ZMYM6: variants seen among roughly 807,000 people sequenced by gnomAD.
ZMYM6 encodes the protein zinc finger MYM-type protein 6.
ZMYM6 carries 90 observed loss-of-function variants against 134.0 expected under a neutral mutation model. The ratio of observed to expected loss-of-function variants is 0.67; its 90% CI spans 0.57 to 0.80. The LOEUF (loss-of-function observed/expected upper bound fraction) is 0.80, where lower values mean the gene tolerates loss of function less well. ZMYM6 is among the 30% of genes least tolerant of loss of function. The pLI is 0.00. For synonymous variants in ZMYM6, 481 were observed against 524.1 expected (o/e 0.92, Z 1.12); for missense variants, 1,362 against 1,533.9 (o/e 0.89, Z 1.87).
intron 14 of ZMYM6, among the ~76,000 whole-genome samples, chr1:35,001,078 A>G (rs1640872030): frequency 6.6e-6 from 1 of 152,172 alleles, no homozygotes; most frequent in Admixed American, 6.5e-5. Context: ...GCAACCATAG[A>G]GCCTGCAAAG....
Position 35,010,910 on chromosome 1 carries a change from A to T in ZMYM6, c.1189T>A (p.Ser397Thr), listed in dbSNP as rs1641073008. Residue 397 changes from serine (S) to threonine (T), a missense_variant, in exon 9 of 16, where the codon TCC (serine) becomes ACC (threonine). This residue lies in a region of ZMYM6 where 503 missense variants were observed against 520.8 expected (regional missense o/e 0.97). Coordinates refer to ENST00000357182, the MANE Select transcript of ZMYM6 (RefSeq NM_007167.4). Reference sequence around the variant, plus strand: ...GCAGAGCCACGGATGGAGCTGGGGGAAACGGCAGAGGTGTTACCTCCTCCT... The same window carrying T: ...GCAGAGCCACGGATGGAGCTGGGGGTAACGGCAGAGGTGTTACCTCCTCCT... The part of the protein sequence containing the change: ...SIGGGNTSAV[S>T]PSSIRGSAAA... 6.2e-7 allele frequency: 1 copy of T among 1,613,410 alleles called. No homozygotes were observed. Among genetic ancestry groups the T allele is most frequent in the African/African-American group, 1.3e-5 (1 of 74,994 alleles).
intron 1 of ZMYM6, 121 bp from the exon 2 acceptor site, chr1:35,030,834 AC>A (rs1641508661): frequency 1.8e-6 from 1 of 550,832 alleles, no homozygotes; most frequent in Non-Finnish European, 3.1e-6. Flanking sequence ...TTCTGGGGCC[AC>A]AACTAACTTT....
In ZMYM6 at chr1:35,020,479, AAAAG is replaced by A; in HGVS notation, c.94-16_94-13del. 1 of 1,574,766 alleles carries A rather than the reference AAAAG, an allele frequency of 6.4e-7. No individual in the cohort carries two copies. Among genetic ancestry groups the A allele is most frequent in the Non-Finnish European group, 8.6e-7 (1 of 1,168,326 alleles). ...ACACATCCATACTCCTTTAAAAAAA[AAAAG>A]AAAAGAGAAAAGAGCAATGAATACA... On this transcript the variant is annotated splice_polypyrimidine_tract_variant and intron_variant, in intron 2 of 15. Coordinates refer to ENST00000357182, the MANE Select transcript of ZMYM6 (RefSeq NM_007167.4).
Position 35,011,002 on chromosome 1 carries a change from G to A in ZMYM6, c.1097C>T (p.Ser366Leu), listed in dbSNP as rs377596083. Residue 366 changes from serine to leucine, a missense_variant, in exon 9 of 16, where the codon TCG becomes TTG. Around this residue, in one of 3 missense-constraint regions of ZMYM6, gnomAD observed 503 missense variants for 520.8 expected, o/e 0.97. Coordinates refer to ENST00000357182, the MANE Select transcript of ZMYM6 (RefSeq NM_007167.4). ...TTGGCCCTGAGACAGGGGCACCGCCGAAGAGTTTGTTCCTTTTGGCTTGCT... is the reference window on the plus strand; with the variant it reads ...TTGGCCCTGAGACAGGGGCACCGCCAAAGAGTTTGTTCCTTTTGGCTTGCT... ...VFSKPKGTNS[S>L]AVPLSQGQVV... 6.2e-5 allele frequency: 100 copies of A among 1,613,692 alleles called. No homozygotes were observed. Among genetic ancestry groups the A allele is most frequent in the Middle Eastern group, 1.6e-4 (1 of 6,080 alleles).
Position 35,006,983 on chromosome 1 carries a change from T to G in ZMYM6, c.1781A>C (p.Gln594Pro). Residue 594 changes from glutamine (Q) to proline (P), a missense_variant, in exon 12 of 16, where the codon CAA becomes CCA. Coordinates refer to ENST00000357182, the MANE Select transcript of ZMYM6 (RefSeq NM_007167.4). ...LFCVLEFCHQ[Q>P]IMNDCLPQNK... ...TTGTGGAAGACAGTCATTCATAATTTGCTGATGACAAAACTCCAAGACACA... is the reference window on the plus strand; with the variant it reads ...TTGTGGAAGACAGTCATTCATAATTGGCTGATGACAAAACTCCAAGACACA... 2 of 1,609,588 alleles carry G rather than the reference T, an allele frequency of 1.2e-6. No homozygotes were observed. Among genetic ancestry groups the G allele is most frequent in the Admixed American group, 3.4e-5 (2 of 58,936 alleles).
rs1641504072 is a variant in ZMYM6 at position 35,030,641 on chromosome 1, CT to C, written c.-3del. ...TTCACCATCCAAAGGTTCTTTCATTCTAATTTTTTACCTCAAAGAGTGTCTC... is the reference window on the plus strand; with the variant it reads ...TTCACCATCCAAAGGTTCTTTCATTCAATTTTTTACCTCAAAGAGTGTCTC... On this transcript the variant is annotated 5_prime_UTR_variant, in exon 2 of 16. Transcript: ENST00000357182. 1 of 1,611,488 alleles carries C rather than the reference CT, an allele frequency of 6.2e-7. No homozygotes were observed. The highest frequency in any genetic ancestry group is 1.3e-5 in the African/African-American group (1 of 74,758).
At position 34,988,738 on chromosome 1, in the gene ZMYM6, G is replaced by C; in HGVS notation, c.2344C>G (p.Pro782Ala). 1 of 1,551,260 alleles carries C rather than the reference G, an allele frequency of 6.4e-7. No homozygotes were observed. Among genetic ancestry groups the C allele is most frequent in the African/African-American group, 1.4e-5 (1 of 73,110 alleles). The change falls in exon 16 of 16, where the codon CCA becomes GCA. Residue 782 changes from proline to alanine, a missense_variant. By Grantham distance (27) the Pro-to-Ala change is conservative (BLOSUM62 -1). Coordinates refer to ENST00000357182, the MANE Select transcript of ZMYM6 (RefSeq NM_007167.4). ...GEILSSENMK[P>A]ANLSHHLKTK... ...TTCAAATGATGAGAAAGATTTGCTG[G>C]CTTCATGTTTTCACTGGATAAGATC...
Position 34,988,777 on chromosome 1 carries a change from C to T in ZMYM6, c.2305G>A (p.Val769Ile). 6.4e-7 allele frequency: 1 copy of T among 1,551,686 alleles called. No individual in the cohort carries two copies. The highest frequency in any genetic ancestry group is 8.7e-7 in the Non-Finnish European group (1 of 1,147,086). Reference sequence around the variant, plus strand: ...CTGGATAAGATCTCTCCACAAATGACACACTGTGGCCTTGGTGAACTTTCT... The same window carrying T: ...CTGGATAAGATCTCTCCACAAATGATACACTGTGGCCTTGGTGAACTTTCT... Reference protein sequence around the residue: ...SKESSPRPQCVICGEILSSEN... With the variant: ...SKESSPRPQCIICGEILSSEN... Residue 769 changes from valine to isoleucine, a missense_variant, in exon 16 of 16, where the codon GTC (valine) becomes ATC (isoleucine). Val to Ile is a conservative substitution (Grantham distance 29). Around this residue, in one of 3 missense-constraint regions of ZMYM6, gnomAD observed 824 missense variants for 940.9 expected, o/e 0.88. Transcript: ENST00000357182.
intron 2 of ZMYM6, among the ~76,000 whole-genome samples, chr1:35,021,895 TTTTA>T (rs1641317557): frequency 6.6e-6 from 1 of 152,248 alleles, no homozygotes; most frequent in Non-Finnish European, 1.5e-5. Context: ...CCATCCTTTT[TTTTA>T]ATGTTAAAAT....
At chr1:35,020,570 T>A in intron 2 of ZMYM6, 103 bp from the exon 3 acceptor site, 7 of 267,910 alleles carry the variant, frequency 2.6e-5, no homozygotes, top group East Asian at 4.7e-4. Flanking sequence ...TTCATCTCCT[T>A]TTTTTTTTTT....
chr1:34,988,038 T>TCACGGTGGCATAAAA lies in ZMYM6; in HGVS notation c.3043_3044insTTTTATGCCACCGTG (p.Arg1014_Glu1015insValLeuCysHisArg). The TCACGGTGGCATAAAA allele has an allele frequency of 6.4e-7, 1 of 1,551,526 alleles. No individual in the cohort carries two copies. Among genetic ancestry groups the TCACGGTGGCATAAAA allele is most frequent in the Non-Finnish European group, 8.7e-7 (1 of 1,146,942 alleles). On this transcript the variant is annotated inframe_insertion, in exon 16 of 16. Transcript: ENST00000357182. The stretch of plus-strand genomic sequence containing the variant: ...AGACAACTTTTCTGCCACTAAACGT[T>TCACGGTGGCATAAAA]CACGGTGAATAAAACAATGTGTAAA...
intron 8 of ZMYM6, 119 bp downstream of exon 8, chr1:35,011,770 AT>A (rs919528015): frequency 4.5e-6 from 3 of 665,546 alleles, no homozygotes; most frequent in Admixed American, 4.1e-5. Flanking sequence ...GATGAAACAA[AT>A]TTTTTTCTTT....
chr1:34,994,023 T>C (rs1640732533), intron 14 of ZMYM6, among the ~76,000 whole-genome samples: 1 of 151,796 alleles, frequency 6.6e-6, no homozygotes, highest in Admixed American at 6.6e-5. Flanking sequence ...AAAAAAAACT[T>C]CTGTAAACAA....
Position 34,987,593 on chromosome 1 carries a change from A to G in ZMYM6, c.3489T>C (p.Tyr1163=). 2 of 1,613,346 alleles carry G rather than the reference A, an allele frequency of 1.2e-6. No individual in the cohort carries two copies. The highest frequency in any genetic ancestry group is 1.7e-6 in the Non-Finnish European group (2 of 1,179,558). ...MWLKRTQEND[Y]DMFPSFSEFS... ...ATTCAGAAAATGAAGGGAACATGTC[A>G]TAATCATTCTCTTGTGTGCGCTTCA... The change falls in exon 16 of 16, where the codon TAT becomes TAC. Residue 1163 remains tyrosine, a synonymous_variant. Transcript: ENST00000357182.
chr1:34,990,134 A>G (rs116770727), intron 15 of ZMYM6: 5,450 of 167,662 alleles, frequency 0.033, 121 homozygotes, highest in Non-Finnish European at 0.05. Flanking sequence ...TGGAGCATAC[A>G]TTGATGTAAC....
In ZMYM6 at chr1:35,005,221, G is replaced by C; in HGVS notation, c.1865C>G (p.Thr622Arg). ...TAVTELPSAR[T>R]DTTPVITSVM... ...ACTGGTTATAACTGGTGTTGTATCTGTCCTTGCAGAAGGGAGCTCCGTCAC... is the reference window on the plus strand; with the variant it reads ...ACTGGTTATAACTGGTGTTGTATCTCTCCTTGCAGAAGGGAGCTCCGTCAC... The change falls in exon 13 of 16, where the codon ACA becomes AGA. Residue 622 changes from threonine (T) to arginine (R), a missense_variant. Transcript: ENST00000357182. 1 of 1,614,116 alleles carries C rather than the reference G, an allele frequency of 6.2e-7. No homozygotes were observed. Among genetic ancestry groups the C allele is most frequent in the Non-Finnish European group, 8.5e-7 (1 of 1,180,012 alleles).
chr1:35,007,082 C>T lies in ZMYM6; in HGVS notation c.1682G>A (p.Gly561Asp). Reference protein sequence around the residue: ...VLFYQMAKCDGCKRQGKLSES... With the variant: ...VLFYQMAKCDDCKRQGKLSES... ...GCTTAGTTTACCCTGTCGTTTACAA[C>T]CATCACACTTGGCCATCTGAAAAAG... The change falls in exon 12 of 16, where the codon GGT becomes GAT. Residue 561 changes from glycine (G) to aspartate (D), a missense_variant. Transcript: ENST00000357182. 1.2e-6 allele frequency: 2 copies of T among 1,600,724 alleles called. No individual in the cohort carries two copies. Among genetic ancestry groups the T allele is most frequent in the Non-Finnish European group, 1.7e-6 (2 of 1,174,356 alleles).
At chr1:35,014,157 A>G (rs998197062) in intron 6 of ZMYM6, among the ~76,000 whole-genome samples, 1 of 152,252 alleles carries the variant, frequency 6.6e-6, no homozygotes, top group African/African-American at 2.4e-5. Flanking sequence ...ATTACAATTC[A>G]TTCCCAAACA....
rs551785436 is a variant in ZMYM6, at chr1:35,005,279, A to G, written c.1814-7T>C. ...TTTGCTTTAGAAATATTTACTGATT[A>G]AAATAAAAAGTTAAGATCTGGAATA... On this transcript the variant is annotated splice_region_variant and splice_polypyrimidine_tract_variant and intron_variant, in intron 12 of 15. Coordinates refer to ENST00000357182, the MANE Select transcript of ZMYM6 (RefSeq NM_007167.4). 7.4e-6 allele frequency: 12 copies of G among 1,613,446 alleles called. No individual in the cohort carries two copies. The African/African-American group carries it at 1.3e-4, about 18-fold the overall frequency.
Sources: allele counts gnomAD v4.1 joint callset (sites outside exome capture counted in the v4.1 genomes callset), GRCh38; gene constraint gnomAD v4.1.1; regional missense constraint gnomAD v4.1.1; transcripts MANE v1.5; gene names NCBI Gene and HGNC (gene_info 2026-07-23, HGNC 2026-07-21).